GRHL3: variants seen among roughly 807,000 people sequenced by gnomAD.
GRHL3 encodes the protein grainyhead-like protein 3 homolog.
Under a neutral mutation model 70.3 loss-of-function variants are expected in GRHL3, and 20 were observed. The observed-to-expected ratio is 0.28, with a 90% CI of 0.20 to 0.41. The LOEUF (loss-of-function observed/expected upper bound fraction) is 0.41, where lower values mean the gene tolerates loss of function less well. GRHL3 is among the 10% of genes least tolerant of loss of function. The pLI, the probability that GRHL3 is intolerant of heterozygous loss-of-function variation, is 1.00. For synonymous variants in GRHL3, 299 were observed against 299.9 expected, an observed-to-expected ratio of 1.00 and a Z score of 0.03; for missense variants, 637 against 762.3, an observed-to-expected ratio of 0.84 and a Z score of 1.94.
At chr1:24,353,298 T>C (rs1640586860) in intron 15 of GRHL3, among the ~76,000 whole-genome samples, 1 of 152,120 alleles carries the variant, frequency 6.6e-6, no homozygotes, top group Admixed American at 6.6e-5. Context: ...CATATGGTCC[T>C]TGTTTTTGAG....
intron 2 of GRHL3, among the ~76,000 whole-genome samples, chr1:24,333,648 G>A (rs1326116462): frequency 6.6e-6 from 1 of 152,134 alleles, no homozygotes; most frequent in Non-Finnish European, 1.5e-5. Flanking sequence ...GGAATGGAGA[G>A]GTTAAGGGAC....
At chr1:24,358,969 G>A (rs914393977), downstream of GRHL3, among the ~76,000 whole-genome samples, 10 of 152,156 alleles carry the variant, frequency 6.6e-5, no homozygotes, top group African/African-American at 2.4e-4. Context: ...CTAGTTCAGG[G>A]GTTTCCATAA....
intron 8 of GRHL3, 79 bp downstream of exon 8, chr1:24,339,841 C>G: frequency 1.1e-6 from 1 of 869,912 alleles, no homozygotes; most frequent in Admixed American, 2.1e-5. Context: ...TTTCTTGCAC[C>G]TAGGATAGTG....
chr1:24,348,193 A>G lies in GRHL3; in HGVS notation c.1629+640A>G, dbSNP rs191714199. Among the ~76,000 whole-genome samples the G allele has an allele frequency of 1.8e-3, 275 of 152,320 alleles. 2 individuals carry two copies. Among genetic ancestry groups the G allele is most frequent in the Non-Finnish European group, 1.7e-3 (117 of 68,026 alleles). ...GCTGGCGGAGTGAAAATGGCATCAA[A>G]TAGTAACGCTAGCTGACCTTTGTTG... On this transcript the variant is annotated intron_variant, in intron 14 of 15. Transcript: ENST00000361548.
At chr1:24,360,826 C>T (rs749586874) in intron 15 of GRHL3, 13 of 1,567,304 alleles carry the variant, frequency 8.3e-6, no homozygotes, top group Admixed American at 1.9e-5. Context: ...TTGGTTTTTA[C>T]AATCATTTAA....
chr1:24,346,710 C>A, intron 13 of GRHL3, 69 bp downstream of exon 13: 1 of 1,243,712 alleles, frequency 8.0e-7, no homozygotes, highest in Non-Finnish European at 1.2e-6. Flanking sequence ...TGGGCTTTCC[C>A]AAAGCCTCCT....
Position 24,319,529 on chromosome 1 carries a change from C to T in GRHL3, c.-23C>T. The T allele has an allele frequency of 6.8e-6, 11 of 1,609,862 alleles. No homozygotes were observed. Among genetic ancestry groups the T allele is most frequent in the South Asian group, 1.1e-5 (1 of 90,986 alleles). The stretch of plus-strand genomic sequence containing the variant: ...CGGTCAGCAGAGCCTCAGTGCTGAT[C>T]GTCGGAGCTTGGGAGCAGGAAGATG... On this transcript the variant is annotated 5_prime_UTR_variant, in exon 1 of 16. Coordinates refer to ENST00000361548, the MANE Select transcript of GRHL3 (RefSeq NM_198173.3).
At chr1:24,358,621 T>C, downstream of GRHL3, 1 of 1,611,886 alleles carries the variant, frequency 6.2e-7, no homozygotes, top group Non-Finnish European at 8.5e-7. Flanking sequence ...TGTACGTAGC[T>C]GTGAGGGGAC....
At chr1:24,325,623 G>A (rs1345634236) in intron 1 of GRHL3, among the ~76,000 whole-genome samples, 1 of 152,206 alleles carries the variant, frequency 6.6e-6, no homozygotes, top group Non-Finnish European at 1.5e-5. Flanking sequence ...CCATCCTGGT[G>A]CCCAGAATGA....
chr1:24,338,269 T>A (rs1320654908), intron 7 of GRHL3, among the ~76,000 whole-genome samples, 166 bp downstream of exon 7: 1 of 152,206 alleles, frequency 6.6e-6, no homozygotes, highest in African/African-American at 2.4e-5. Flanking sequence ...GACTAGAAGT[T>A]GTGGCGTCTT....
Position 24,331,357 on chromosome 1 carries a change from C to A in GRHL3, c.18-69C>A, listed in dbSNP as rs58929720. The A allele has an allele frequency of 1.6e-3, 2,253 of 1,410,238 alleles. 37 individuals carry two copies. In the African/African-American group the frequency reaches 0.028, roughly 18 times the overall value. The allele number at this position is 1,410,238 out of a possible 1,614,324, so 87.4% of individuals were successfully genotyped here. A position where few individuals can be genotyped will look rare whatever the true frequency, so the allele number is the denominator to read the frequency against. On this transcript the variant is annotated intron_variant, in intron 1 of 15. Transcript: ENST00000361548. Reference sequence around the variant, plus strand: ...ATAACTCTGAATTCCTGGGCGTTGGCCTGCGGCTGCCCATTCACGGACCTT... The same window carrying A: ...ATAACTCTGAATTCCTGGGCGTTGGACTGCGGCTGCCCATTCACGGACCTT...
downstream of GRHL3, among the ~76,000 whole-genome samples, chr1:24,359,661 C>T (rs1048410035): frequency 2.6e-5 from 4 of 152,162 alleles, no homozygotes; most frequent in African/African-American, 9.7e-5. The surrounding 1 kb of genome is among the most constrained non-coding windows in gnomAD (Gnocchi z 5.3). Flanking sequence ...CTCCCTCGCA[C>T]GGGAGCATCG....
chr1:24,323,246 C>T (rs1282759312), intron 1 of GRHL3: 5 of 669,208 alleles, frequency 7.5e-6, no homozygotes, highest in African/African-American at 5.4e-5. Context: ...AACTGTGGTC[C>T]GTGGACCATC....
chr1:24,348,180 A>C (rs1640366866), intron 14 of GRHL3, among the ~76,000 whole-genome samples: 1 of 152,214 alleles, frequency 6.6e-6, no homozygotes. Context: ...TGGCGGAGTG[A>C]AAATGGCATC....
At chr1:24,344,806 A>G (rs967310734) in intron 11 of GRHL3, 91 bp from the exon 12 acceptor site, 15 of 1,476,278 alleles carry the variant, frequency 1.0e-5, no homozygotes, top group Non-Finnish European at 1.2e-5. Flanking sequence ...ACCTCCCACC[A>G]AAAATATTCC....
At position 24,336,690 on chromosome 1, in the gene GRHL3, T is replaced by G; in HGVS notation, c.475T>G (p.Ser159Ala). 6.2e-7 allele frequency: 1 copy of G among 1,614,122 alleles called. No individual in the cohort carries two copies. Among genetic ancestry groups the G allele is most frequent in the Non-Finnish European group, 8.5e-7 (1 of 1,180,004 alleles). Reference protein sequence around the residue: ...PAGPSKLEAGSVDSYLLPTTD... With the variant: ...PAGPSKLEAGAVDSYLLPTTD... ...AGGCCCCAGCAAGCTGGAGGCCGGC[T>G]CTGTGGACAGCTACCTGTTACCCAC... Residue 159 changes from serine (S) to alanine (A), a missense_variant, in exon 4 of 16, where the codon TCT becomes GCT. Around this residue, in one of 2 missense-constraint regions of GRHL3, gnomAD observed 250 missense variants for 248.6 expected, o/e 1.01. Transcript: ENST00000361548.
chr1:24,339,822 G>T (rs913727436), intron 8 of GRHL3, 60 bp downstream of exon 8: 1 of 1,119,828 alleles, frequency 8.9e-7, no homozygotes, highest in East Asian at 2.4e-5. Context: ...CCTATTCTGG[G>T]GTAGAGGCTT....
chr1:24,333,105 G>A (rs1178876603), intron 2 of GRHL3, among the ~76,000 whole-genome samples: 1 of 152,250 alleles, frequency 6.6e-6, no homozygotes, highest in Non-Finnish European at 1.5e-5. Context: ...TCCAGGGCCA[G>A]TATGGTAGAA....
At chr1:24,330,140 C>T (rs6424174) in intron 1 of GRHL3, among the ~76,000 whole-genome samples, 3,381 of 152,234 alleles carry the variant, frequency 0.022, 134 homozygotes, top group African/African-American at 0.077. Context: ...GATTTCAGTG[C>T]ACCTTTACAT....
Sources: allele counts gnomAD v4.1 joint callset (sites outside exome capture counted in the v4.1 genomes callset), GRCh38; gene constraint gnomAD v4.1.1; regional missense constraint gnomAD v4.1.1; non-coding constraint Gnocchi (gnomAD v3.1); transcripts MANE v1.5; gene names NCBI Gene and HGNC (gene_info 2026-07-23, HGNC 2026-07-21).